The following AFG2A variants were observed in gnomAD, a reference collection of about 807,000 sequenced individuals.
AFG2A encodes AAA ATPase AFG2A, also known as ATPase family gene 2 protein homolog A.
the AFG2A span, among the ~76,000 whole-genome samples, chr4:123,181,473 C>T: frequency 6.6e-6 from 1 of 152,042 alleles, no homozygotes; most frequent in Non-Finnish European, 1.5e-5. Context: ...ATTAGTTGGA[C>T]ATGGTCACAT....
At chr4:122,986,218 C>T in the AFG2A span, among the ~76,000 whole-genome samples, 6 of 152,122 alleles carry the variant, frequency 3.9e-5, no homozygotes, top group African/African-American at 1.4e-4. Context: ...GGAGAAAGTT[C>T]CATGTGCTGT....
chr4:123,164,198 A>G, the AFG2A span, among the ~76,000 whole-genome samples: 1 of 152,238 alleles, frequency 6.6e-6, no homozygotes, highest in Non-Finnish European at 1.5e-5. Context: ...CTTCTAACCC[A>G]TAGTGATTTT....
chr4:123,302,127 G>A, the AFG2A span, among the ~76,000 whole-genome samples: 4 of 152,090 alleles, frequency 2.6e-5, no homozygotes, highest in African/African-American at 4.8e-5. Context: ...ACCATCCCCC[G>A]AGCCGCTTCC....
the AFG2A span, among the ~76,000 whole-genome samples, chr4:123,240,097 GT>G: frequency 3.9e-5 from 6 of 152,156 alleles, no homozygotes; most frequent in African/African-American, 1.2e-4. Flanking sequence ...TTACATAATG[GT>G]AAAGGGATCA....
the AFG2A span, among the ~76,000 whole-genome samples, chr4:122,970,490 G>A: frequency 8.0e-6 from 1 of 125,490 alleles, no homozygotes; most frequent in Non-Finnish European, 1.7e-5. Context: ...TTTTTTTTTT[G>A]AGACGGAATC....
the AFG2A span, among the ~76,000 whole-genome samples, chr4:123,169,134 C>T: frequency 6.6e-6 from 1 of 152,144 alleles, no homozygotes; most frequent in Non-Finnish European, 1.5e-5. Flanking sequence ...GTTGGGATTA[C>T]AGTAAGTGAG....
the AFG2A span, among the ~76,000 whole-genome samples, chr4:123,243,560 A>T: frequency 1.3e-5 from 2 of 152,080 alleles, no homozygotes; most frequent in Non-Finnish European, 2.9e-5. Flanking sequence ...GAACACTTGG[A>T]CGCAGGGCAG....
chr4:123,065,392 T>A, the AFG2A span, among the ~76,000 whole-genome samples: 1 of 152,142 alleles, frequency 6.6e-6, no homozygotes, highest in African/African-American at 2.4e-5. Context: ...ATCTGTAAAG[T>A]GGAGTTAATA....
chr4:123,002,442 C>T, the AFG2A span, among the ~76,000 whole-genome samples: 1 of 152,178 alleles, frequency 6.6e-6, no homozygotes, highest in Admixed American at 6.5e-5. Context: ...GCGGCTGGTA[C>T]CGGTTGTGCC....
chr4:123,240,332 T>TC, the AFG2A span, among the ~76,000 whole-genome samples: 1 of 152,172 alleles, frequency 6.6e-6, no homozygotes, highest in Admixed American at 6.5e-5. Flanking sequence ...TATACATTCT[T>TC]CTCAGCACCA....
chr4:123,067,960 C>T, the AFG2A span, among the ~76,000 whole-genome samples: 2 of 152,114 alleles, frequency 1.3e-5, no homozygotes, highest in African/African-American at 2.4e-5. Flanking sequence ...TTTTAAGATA[C>T]CGTAATATCC....
chr4:123,073,637 G>A, the AFG2A span, among the ~76,000 whole-genome samples: 1 of 152,014 alleles, frequency 6.6e-6, no homozygotes, highest in Non-Finnish European at 1.5e-5. Context: ...CTACTTCTTC[G>A]TCAAAGAAAA....
chr4:123,114,770 G>GCAC, the AFG2A span, among the ~76,000 whole-genome samples: 1 of 152,256 alleles, frequency 6.6e-6, no homozygotes, highest in Non-Finnish European at 1.5e-5. Flanking sequence ...GTGCAGCATT[G>GCAC]ACTGTGCTGC....
At chr4:123,313,749 C>T in the AFG2A span, 3 of 721,272 alleles carry the variant, frequency 4.2e-6, no homozygotes, top group South Asian at 9.0e-5. Flanking sequence ...CTTGAGTGGA[C>T]TAATTCTTGC....
the AFG2A span, among the ~76,000 whole-genome samples, chr4:123,173,421 T>A: frequency 7.4e-6 from 1 of 134,620 alleles, no homozygotes; most frequent in Admixed American, 8.6e-5. Context: ...AATGGTGCAA[T>A]CTCTGCTCAC....
chr4:123,156,632 A>G, the AFG2A span, among the ~76,000 whole-genome samples: 1 of 152,078 alleles, frequency 6.6e-6, no homozygotes, highest in Non-Finnish European at 1.5e-5. Context: ...TTTACAACAT[A>G]TGTCTGAGTA....
At chr4:123,061,465 G>A in the AFG2A span, among the ~76,000 whole-genome samples, 1 of 152,222 alleles carries the variant, frequency 6.6e-6, no homozygotes, top group Non-Finnish European at 1.5e-5. Context: ...ACAAAGGCAT[G>A]TCTTACGTGG....
At chr4:123,019,275 C>T in the AFG2A span, among the ~76,000 whole-genome samples, 1 of 75,618 alleles carries the variant, frequency 1.3e-5, no homozygotes, top group African/African-American at 3.6e-5. Flanking sequence ...GAGATTTGAA[C>T]CCAAGACCAT....
At chr4:122,944,559 A>C in the AFG2A span, among the ~76,000 whole-genome samples, 2 of 152,128 alleles carry the variant, frequency 1.3e-5, no homozygotes, top group African/African-American at 2.4e-5. Context: ...CAAAGTTTTC[A>C]ACTTCTTTGC....
Sources: gnomAD v4.1 joint callset for allele counts (sites outside exome capture counted in the v4.1 genomes callset) on GRCh38, gnomAD v4.1.1 for gene constraint, MANE v1.5 for transcripts, NCBI Gene and HGNC (gene_info 2026-07-23, HGNC 2026-07-21) for gene names.